Variants in SMARCAL1 observed in about 807,000 individuals in gnomAD.
SMARCAL1 encodes ATP-driven annealing helicase.
SMARCAL1 carries 58 observed loss-of-function variants against 94.5 expected under a neutral mutation model. That is an observed-to-expected ratio of 0.61 (90% CI 0.50 to 0.76). The LOEUF is 0.76. Among genes scored for constraint, SMARCAL1 ranks in the 30% least tolerant of loss-of-function variants. The pLI is 0.00. For synonymous variants in SMARCAL1, 422 were observed against 455.1 expected, an observed-to-expected ratio of 0.93 and a Z score of 0.93; for missense variants, 1,051 against 1,177.9, an observed-to-expected ratio of 0.89 and a Z score of 1.58.
rs565316605 is a variant in SMARCAL1 at position 216,414,821 on chromosome 2, C to T, written c.117C>T (p.Gly39=). The T allele has an allele frequency of 2.6e-5, 42 of 1,614,204 alleles. No homozygotes were observed. The East Asian group carries it at 8.2e-4, about 32-fold the overall frequency. Residue 39 remains glycine, a synonymous_variant, in exon 3 of 18, where the codon GGC becomes GGT. Transcript: ENST00000357276. ...AACAGCATCAGAGGACTAGCTCGGG[C>T]ACCTCCATTGCTGGCAACCCATTCC... ...LAEQHQRTSS[G]TSIAGNPFQA...
rs1461564896 is a variant in SMARCAL1, at chr2:216,420,318, C to G, written c.882C>G (p.Leu294=). ...YSALMKAAQS[L]PTVNLQPLEW... is the part of the protein sequence containing the mutation. ...TGGCAGTGAAAGCAGCCCAGAGCCT[C>G]CCCACGGTCAACCTGCAGCCTCTGG... The change falls in exon 5 of 18, where the codon CTC becomes CTG. Residue 294 remains leucine (L), a synonymous_variant. Coordinates refer to ENST00000357276, the MANE Select transcript of SMARCAL1 (RefSeq NM_014140.4). 1 of 1,614,104 alleles carries G rather than the reference C, an allele frequency of 6.2e-7. No homozygotes were observed. Among genetic ancestry groups the G allele is most frequent in the Non-Finnish European group, 8.5e-7 (1 of 1,179,996 alleles).
intron 10 of SMARCAL1, among the ~76,000 whole-genome samples, chr2:216,440,189 C>T (rs551590175): frequency 6.6e-6 from 1 of 152,182 alleles, no homozygotes; most frequent in South Asian, 2.1e-4. Flanking sequence ...ATATGCTTTC[C>T]ATAGGAAAAC....
Position 216,445,910 on chromosome 2 carries a change from A to G in SMARCAL1, c.1711-1108A>G, listed in dbSNP as rs537722561. Among the ~76,000 whole-genome samples the G allele has an allele frequency of 1.1e-4, 16 of 152,318 alleles. No homozygotes were observed. In the South Asian group the frequency reaches 1.5e-3, roughly 14 times the overall value. ...TTTATTTATTTTTATGAGGCAGTGTATCCATCTGTAAACCTAATTTATTCT... is the reference window on the plus strand; with the variant it reads ...TTTATTTATTTTTATGAGGCAGTGTGTCCATCTGTAAACCTAATTTATTCT... On this transcript the variant is annotated intron_variant, in intron 10 of 17. Transcript: ENST00000357276.
At chr2:216,452,891 A>C (rs1002382620) in intron 12 of SMARCAL1, among the ~76,000 whole-genome samples, 1 of 152,202 alleles carries the variant, frequency 6.6e-6, no homozygotes, top group East Asian at 1.9e-4. Flanking sequence ...TGGTGATGCT[A>C]TGAAATTAAC....
chr2:216,466,084 T>C (rs569376690), intron 13 of SMARCAL1, among the ~76,000 whole-genome samples: 7 of 152,312 alleles, frequency 4.6e-5, no homozygotes, highest in South Asian at 2.1e-4. Context: ...CCATTTCTCA[T>C]GTGCTGTGGA....
Position 216,441,312 on chromosome 2 carries a change from G to A in SMARCAL1, c.1710+2827G>A, listed in dbSNP as rs1370924392. Among the ~76,000 whole-genome samples the A allele has an allele frequency of 3.9e-5, 6 of 152,292 alleles. No individual in the cohort carries two copies. In the East Asian group the frequency reaches 5.8e-4, roughly 15 times the overall value. On this transcript the variant is annotated intron_variant, in intron 10 of 17. Coordinates refer to ENST00000357276, the MANE Select transcript of SMARCAL1 (RefSeq NM_014140.4). ...TTGGTGTCACTGTCCCCTGGGAAAC[G>A]TGACATTTTTCTTCCCCCACAGCAC...
rs1694438371 is a variant in SMARCAL1, at chr2:216,450,981, G to A, written c.1987G>A (p.Val663Met). ...QLPAKQRKIVVIAPGRINART... is the reference protein window; with the variant it reads ...QLPAKQRKIVMIAPGRINART... ...GCCTGCCAAGCAGCGCAAGATAGTG[G>A]TGATTGCCCCAGGACGGATCAATGC... Residue 663 changes from valine to methionine, a missense_variant, in exon 12 of 18, where the codon GTG (valine) becomes ATG (methionine). Physicochemically the swap from Val to Met is conservative, Grantham distance 21. This residue lies in a region of SMARCAL1 where 642 missense variants were observed against 754.7 expected (regional missense o/e 0.85). Coordinates refer to ENST00000357276, the MANE Select transcript of SMARCAL1 (RefSeq NM_014140.4). The A allele has an allele frequency of 1.9e-6, 3 of 1,614,210 alleles. No individual in the cohort carries two copies. Among genetic ancestry groups the A allele is most frequent in the Middle Eastern group, 1.6e-4 (1 of 6,062 alleles).
At position 216,415,233 on chromosome 2, in the gene SMARCAL1, C is replaced by T; in HGVS notation, c.529C>T (p.Pro177Ser). Reference sequence around the variant, plus strand: ...CAAACCAAAGAGTTCCCAAGAGACACCAGCTCATTCCTCTGGACAGCCTCC... The same window carrying T: ...CAAACCAAAGAGTTCCCAAGAGACATCAGCTCATTCCTCTGGACAGCCTCC... ...LAKPKSSQET[P>S]AHSSGQPPRD... is the part of the protein sequence containing the mutation. The change falls in exon 3 of 18, where the codon CCA (proline) becomes TCA (serine). Residue 177 changes from proline (P) to serine (S), a missense_variant. By Grantham distance (74) the Pro-to-Ser change is moderately conservative. Around this residue, in one of 3 missense-constraint regions of SMARCAL1, gnomAD observed 398 missense variants for 395.2 expected, o/e 1.01. Transcript: ENST00000357276. The T allele has an allele frequency of 3.1e-6, 5 of 1,614,242 alleles. No homozygotes were observed. The highest frequency in any genetic ancestry group is 4.2e-6 in the Non-Finnish European group (5 of 1,180,044).
At chr2:216,452,345 A>G (rs1475367902) in intron 12 of SMARCAL1, among the ~76,000 whole-genome samples, 1 of 152,210 alleles carries the variant, frequency 6.6e-6, no homozygotes, top group Non-Finnish European at 1.5e-5. Context: ...TTTTTCTTAT[A>G]ACTTTTTCTT....
In SMARCAL1 at chr2:216,432,752, G is replaced by A. The variant is rs778972713; in HGVS notation, c.1369G>A (p.Ala457Thr). The A allele has an allele frequency of 9.9e-6, 16 of 1,614,018 alleles. No individual in the cohort carries two copies. The highest frequency in any genetic ancestry group is 5.5e-5 in the South Asian group (5 of 91,088). ...AIAKGGRLLL[A>T]DDMGLGKTIQ... ...AGCCAAAGGAGGCCGCCTGCTGCTC[G>A]CTGACGACATGGGCCTGGGGAAGAC... The change falls in exon 8 of 18, where the codon GCT (alanine) becomes ACT (threonine). Residue 457 changes from alanine to threonine, a missense_variant. Physicochemically the swap from Ala to Thr is moderately conservative, Grantham distance 58. Transcript: ENST00000357276.
intron 14 of SMARCAL1, among the ~76,000 whole-genome samples, chr2:216,469,182 G>A (rs563532867): frequency 2.1e-4 from 32 of 151,272 alleles, no homozygotes; most frequent in African/African-American, 7.0e-4. Context: ...GCAATTTATC[G>A]TCTCCTTTTT....
chr2:216,444,006 C>T (rs900135958), intron 10 of SMARCAL1, among the ~76,000 whole-genome samples: 1 of 152,218 alleles, frequency 6.6e-6, no homozygotes, highest in African/African-American at 2.4e-5. Flanking sequence ...TGTGATCCCA[C>T]ATTTATTCTT....
At chr2:216,454,295 T>C (rs1444822123) in intron 12 of SMARCAL1, among the ~76,000 whole-genome samples, 1 of 152,230 alleles carries the variant, frequency 6.6e-6, no homozygotes, top group African/African-American at 2.4e-5. Context: ...GCTGAAACTA[T>C]TGATTTCTCC....
intron 11 of SMARCAL1, 28 bp downstream of exon 11, chr2:216,447,186 C>T: frequency 2.5e-6 from 4 of 1,612,636 alleles, no homozygotes; most frequent in Non-Finnish European, 3.4e-6. Context: ...CCTCCCAGCC[C>T]ACCCATTTCT....
intron 13 of SMARCAL1, 73 bp downstream of exon 13, chr2:216,464,740 TCTGC>T (rs1047221813): frequency 1.7e-5 from 18 of 1,043,630 alleles, no homozygotes; most frequent in Non-Finnish European, 2.4e-5. Flanking sequence ...ATTACTTTAT[TCTGC>T]CTGAATGATT....
intron 7 of SMARCAL1, among the ~76,000 whole-genome samples, chr2:216,431,396 T>C (rs915632912): frequency 1.3e-5 from 2 of 152,260 alleles, no homozygotes; most frequent in African/African-American, 4.8e-5. Flanking sequence ...AGACTAGTAT[T>C]TGGCACAGAG....
At chr2:216,413,300 A>G (rs3806573) in intron 1 of SMARCAL1, among the ~76,000 whole-genome samples, 21,881 of 152,192 alleles carry the variant, frequency 0.14, 1,761 homozygotes, top group East Asian at 0.31. Context: ...CATTAGATGC[A>G]GCCTATTTAG....
At chr2:216,446,880 G>T in intron 10 of SMARCAL1, 138 bp from the exon 11 acceptor site, 1 of 903,190 alleles carries the variant, frequency 1.1e-6, no homozygotes, top group South Asian at 1.4e-5. Flanking sequence ...TGCTTGCATT[G>T]GCAATGCCAT....
intron 10 of SMARCAL1, among the ~76,000 whole-genome samples, chr2:216,438,781 C>T (rs1559128369): frequency 6.6e-6 from 1 of 152,148 alleles, no homozygotes; most frequent in South Asian, 2.1e-4. Context: ...CTCCAGAATC[C>T]TCCTCTGGCT....
Sources: allele counts gnomAD v4.1 joint callset (sites outside exome capture counted in the v4.1 genomes callset), GRCh38; gene constraint gnomAD v4.1.1; regional missense constraint gnomAD v4.1.1; transcripts MANE v1.5; gene names NCBI Gene and HGNC (gene_info 2026-07-23, HGNC 2026-07-21).